Variants in KLK2 observed in about 807,000 individuals in gnomAD.
KLK2 encodes the protein kallikrein-2.
Under a neutral mutation model 23.0 loss-of-function variants are expected in KLK2, and 17 were observed. The observed-to-expected ratio is 0.74, with a 90% CI of 0.51 to 1.11. The LOEUF is 1.11. Among genes scored for constraint, KLK2 ranks in the 50% least tolerant of loss-of-function variants. The pLI, the probability that KLK2 is intolerant of heterozygous loss-of-function variation, is 0.00. For missense variants in KLK2, 330 were observed against 325.9 expected, an observed-to-expected ratio of 1.01 and a Z score of -0.10; for synonymous variants, 140 against 124.7, an observed-to-expected ratio of 1.12 and a Z score of -0.82.
In KLK2 at chr19:50,874,885, G is replaced by C; in HGVS notation, c.206+5G>C. 2 of 1,612,154 alleles carry C rather than the reference G, an allele frequency of 1.2e-6. No homozygotes were observed. The highest frequency in any genetic ancestry group is 1.7e-6 in the Non-Finnish European group (2 of 1,179,028). On this transcript the variant is annotated splice_donor_5th_base_variant and intron_variant, in intron 2 of 4. Coordinates refer to ENST00000325321, the MANE Select transcript of KLK2 (RefSeq NM_005551.5). ...AGCTGCCCATTGCCTAAAGAAGTAA[G>C]TAGGACCCTGGGATCTGGGGAGGGA...
chr19:50,876,813 A>T lies in KLK2; in HGVS notation c.493+55A>T. 3.1e-6 allele frequency: 5 copies of T among 1,610,100 alleles called. No homozygotes were observed. In the South Asian group the frequency reaches 4.4e-5, roughly 14 times the overall value. ...AGCCCAGATGCCTGGGTCTGAGGGA[A>T]GTGGGGCCAAAGAACCAGGTGGGGT... On this transcript the variant is annotated intron_variant, in intron 3 of 4. Coordinates refer to ENST00000325321, the MANE Select transcript of KLK2 (RefSeq NM_005551.5).
At position 50,879,705 on chromosome 19, in the gene KLK2, C is replaced by T. The variant is rs1037195767; in HGVS notation, c.*1146C>T. Reference sequence around the variant, plus strand: ...AGAGTTCAAACAGATACAGCATGGTCCAGAGTCCCAGATGTACAAAAACAG... The same window carrying T: ...AGAGTTCAAACAGATACAGCATGGTTCAGAGTCCCAGATGTACAAAAACAG... On this transcript the variant is annotated 3_prime_UTR_variant, in exon 5 of 5. Coordinates refer to ENST00000325321, the MANE Select transcript of KLK2 (RefSeq NM_005551.5). The T allele has an allele frequency of 2.2e-5, 5 of 229,816 alleles. No homozygotes were observed. Among genetic ancestry groups the T allele is most frequent in the South Asian group, 3.6e-4 (2 of 5,504 alleles). The allele number at this position is 229,816 out of a possible 1,614,324, so 14.2% of individuals were successfully genotyped here.
In KLK2 at chr19:50,877,151, G is replaced by A. The variant is rs182149909; in HGVS notation, c.630+143G>A. ...GCCCCCTCCCCATGCCTCATCTGCC[G>A]CCCTCCTTCCCCCTTCCCTGACTCC... On this transcript the variant is annotated intron_variant, in intron 4 of 4. Transcript: ENST00000325321. The A allele has an allele frequency of 8.6e-5, 87 of 1,015,042 alleles. 1 individual carries two copies. The highest frequency in any genetic ancestry group is 7.2e-4 in the African/African-American group (45 of 62,794). The allele number at this position is 1,015,042 out of a possible 1,614,324, so 62.9% of individuals were successfully genotyped here. A position where few individuals can be genotyped will look rare whatever the true frequency, so the allele number is the denominator to read the frequency against.
rs748786449 is a variant in KLK2, at chr19:50,874,837, GT to G, written c.164del (p.Val55GlyfsTer13). On this transcript the variant is annotated frameshift_variant, in exon 2 of 5. Transcript: ENST00000325321. LOFTEE classifies it high-confidence loss of function. ...HGWAHCGGVL[V>X]HPQWVLTAAH... The stretch of plus-strand genomic sequence containing the variant: ...ATGGGCACACTGTGGGGGTGTCCTG[GT>G]GCACCCCCAGTGGGTGCTCACAGCT... 1 of 1,613,660 alleles carries G rather than the reference GT, an allele frequency of 6.2e-7. No individual in the cohort carries two copies. Among genetic ancestry groups the G allele is most frequent in the Non-Finnish European group, 8.5e-7 (1 of 1,179,842 alleles).
rs536878458 is a variant in KLK2 at position 50,876,997 on chromosome 19, G to A, written c.619G>A (p.Asp207Asn). ...TGCTGGGCTCTGGACAGGTGGTAAA[G>A]ACACTTGTGGGGTGAGTCATCCCTA... Reference protein sequence around the residue: ...LCAGLWTGGKDTCGGDSGGPL... With the variant: ...LCAGLWTGGKNTCGGDSGGPL... The change falls in exon 4 of 5, where the codon GAC becomes AAC. Residue 207 changes from aspartate (D) to asparagine (N), a missense_variant. Transcript: ENST00000325321. 1 of 1,614,152 alleles carries A rather than the reference G, an allele frequency of 6.2e-7. No individual in the cohort carries two copies. The highest frequency in any genetic ancestry group is 2.2e-5 in the East Asian group (1 of 44,878).
At chr19:50,877,975 A>T (rs1288833836) in intron 4 of KLK2, among the ~76,000 whole-genome samples, 1 of 152,056 alleles carries the variant, frequency 6.6e-6, no homozygotes, top group Non-Finnish European at 1.5e-5. Context: ...CTGATCACTG[A>T]ACTGACCATA....
At position 50,878,537 on chromosome 19, in the gene KLK2, A is replaced by G. The variant is rs60268688; in HGVS notation, c.764A>G (p.Asp255Gly). ...KVVHYRKWIK[D>G]TIAANP ...GTGCATTACCGGAAGTGGATCAAGG[A>G]CACCATCGCAGCCAACCCCTGAGTG... Residue 255 changes from aspartate to glycine, a missense_variant, in exon 5 of 5, where the codon GAC (aspartate) becomes GGC (glycine). By Grantham distance (94) the Asp-to-Gly change is moderately conservative. Coordinates refer to ENST00000325321, the MANE Select transcript of KLK2 (RefSeq NM_005551.5). The G allele has an allele frequency of 6.2e-7, 1 of 1,613,634 alleles. No homozygotes were observed. The highest frequency in any genetic ancestry group is 8.5e-7 in the Non-Finnish European group (1 of 1,179,644).
chr19:50,873,820 C>T (rs2090255053), intron 1 of KLK2: 2 of 430,026 alleles, frequency 4.7e-6, no homozygotes, highest in East Asian at 8.6e-5. Flanking sequence ...CTTTCAAGGA[C>T]CTCTCTCCAT....
chr19:50,876,613 C>G lies in KLK2; in HGVS notation c.348C>G (p.Asp116Glu). 1 of 1,614,220 alleles carries G rather than the reference C, an allele frequency of 6.2e-7. No individual in the cohort carries two copies. ...LKHQSLRPDEDSSHDLMLLRL... is the reference protein window; with the variant it reads ...LKHQSLRPDEESSHDLMLLRL... Reference sequence around the variant, plus strand: ...ATCAAAGCCTTAGACCAGATGAAGACTCCAGCCATGACCTCATGCTGCTCC... The same window carrying G: ...ATCAAAGCCTTAGACCAGATGAAGAGTCCAGCCATGACCTCATGCTGCTCC... Residue 116 changes from aspartate to glutamate, a missense_variant, in exon 3 of 5, where the codon GAC becomes GAG. Physicochemically the swap from Asp to Glu is conservative, Grantham distance 45. Coordinates refer to ENST00000325321, the MANE Select transcript of KLK2 (RefSeq NM_005551.5).
At chr19:50,877,359 G>A (rs1473977658) in intron 4 of KLK2, 1 of 332,906 alleles carries the variant, frequency 3.0e-6, no homozygotes, top group Non-Finnish European at 5.6e-6. Flanking sequence ...CAGGAACAGT[G>A]GACCCAACAT....
At chr19:50,875,421 C>T (rs2090272754) in intron 2 of KLK2, among the ~76,000 whole-genome samples, 1 of 152,168 alleles carries the variant, frequency 6.6e-6, no homozygotes, top group East Asian at 1.9e-4. Context: ...ATCCCTCCAC[C>T]CTGGGGAGAC....
chr19:50,874,118 A>C (rs988245963), intron 1 of KLK2: 1 of 152,830 alleles, frequency 6.5e-6, no homozygotes, highest in Non-Finnish European at 1.5e-5. Context: ...CCCGTCATTC[A>C]ATGGCTAGCT....
chr19:50,875,369 T>C (rs1169622109), intron 2 of KLK2, among the ~76,000 whole-genome samples: 3 of 152,180 alleles, frequency 2.0e-5, no homozygotes, highest in African/African-American at 7.2e-5. Flanking sequence ...TGTGTGTGCA[T>C]GTGAGGGGGT....
At position 50,878,573 on chromosome 19, in the gene KLK2, A is replaced by C; in HGVS notation, c.*14A>C. On this transcript the variant is annotated 3_prime_UTR_variant, in exon 5 of 5. Coordinates refer to ENST00000325321, the MANE Select transcript of KLK2 (RefSeq NM_005551.5). ...GCCAACCCCTGAGTGCCCCTGTCCCACCCCTACCTCTAGTAAATTTAAGTC... is the reference window on the plus strand; with the variant it reads ...GCCAACCCCTGAGTGCCCCTGTCCCCCCCCTACCTCTAGTAAATTTAAGTC... 2 of 1,601,330 alleles carry C rather than the reference A, an allele frequency of 1.2e-6. No homozygotes were observed. Among genetic ancestry groups the C allele is most frequent in the Non-Finnish European group, 1.7e-6 (2 of 1,171,296 alleles).
chr19:50,874,508 C>T (rs984358670), intron 1 of KLK2: 9 of 494,660 alleles, frequency 1.8e-5, no homozygotes, highest in Non-Finnish European at 2.5e-5. Flanking sequence ...GCTCCGTTCT[C>T]AGAGCATGAA....
At chr19:50,875,306 C>A (rs897225237) in intron 2 of KLK2, among the ~76,000 whole-genome samples, 1 of 152,192 alleles carries the variant, frequency 6.6e-6, no homozygotes, top group Non-Finnish European at 1.5e-5. Flanking sequence ...ACTGAACACA[C>A]CCCGTGAGGG....
At chr19:50,875,216 C>T (rs1049596346) in intron 2 of KLK2, among the ~76,000 whole-genome samples, 7 of 152,170 alleles carry the variant, frequency 4.6e-5, no homozygotes, top group Non-Finnish European at 5.9e-5. Flanking sequence ...CTGTGGCCAT[C>T]TCTGTCACCG....
rs537678710 is a variant in KLK2, at chr19:50,879,134, T to A, written c.*575T>A. ...GGGACTAGGGGGAGAAACTGAAAGC[T>A]GATTAATTACAGGAGGTTTGTTCAG... On this transcript the variant is annotated 3_prime_UTR_variant, in exon 5 of 5. Transcript: ENST00000325321. 4.3e-6 allele frequency: 1 copy of A among 233,106 alleles called. No homozygotes were observed. Among genetic ancestry groups the A allele is most frequent in the African/African-American group, 2.2e-5 (1 of 45,446 alleles). The allele number at this position is 233,106 out of a possible 1,614,324, so 14.4% of individuals were successfully genotyped here.
Position 50,873,462 on chromosome 19 carries a change from A to G in KLK2, c.-12A>G, listed in dbSNP as rs368076226. On this transcript the variant is annotated 5_prime_UTR_variant, in exon 1 of 5. Transcript: ENST00000325321. ...CCAAACTCACCACCTGGCCGTGGAC[A>G]CCTGTGTCAGCATGTGGGACCTGGT... 93 of 1,593,484 alleles carry G rather than the reference A, an allele frequency of 5.8e-5. 2 individuals carry two copies. The South Asian group carries it at 6.2e-4, about 11-fold the overall frequency.
Sources: gnomAD v4.1 joint callset for allele counts (sites outside exome capture counted in the v4.1 genomes callset) on GRCh38, gnomAD v4.1.1 for gene constraint, MANE v1.5 for transcripts, NCBI Gene and HGNC (gene_info 2026-07-23, HGNC 2026-07-21) for gene names.